The following ATP8B2 variants were observed in gnomAD, a reference collection of about 807,000 sequenced individuals.
ATP8B2 encodes the protein phospholipid-transporting ATPase ID.
ATP8B2 carries 70 observed loss-of-function variants against 133.4 expected under a neutral mutation model. That is an observed-to-expected ratio of 0.52 (90% CI 0.43 to 0.64). The LOEUF is 0.64. Ranked by LOEUF, ATP8B2 falls within the 30% of genes least tolerant of loss-of-function variation. ATP8B2 has a pLI of 0.00. For missense variants in ATP8B2, 1,101 were observed against 1,535.7 expected, an observed-to-expected ratio of 0.72 and a Z score of 4.73; for synonymous variants, 517 against 589.5, an observed-to-expected ratio of 0.88 and a Z score of 1.78.
intron 26 of ATP8B2, among the ~76,000 whole-genome samples, chr1:154,348,001 T>G (rs1570874164): frequency 8.2e-6 from 1 of 121,446 alleles, no homozygotes; most frequent in Non-Finnish European, 1.7e-5. Context: ...GAGAGAGAAA[T>G]GAATCAAGAT....
At position 154,328,946 on chromosome 1, in the gene ATP8B2, G is replaced by A. The variant is rs1178763373; in HGVS notation, c.31+774G>A. ...GCCCCGTCGATGCCACTAAGGCCAA[G>A]GACATATAGACGGTCTGCCCTCCCC... is the stretch of plus-strand genomic sequence containing the variant. On this transcript the variant is annotated intron_variant, in intron 2 of 27. Transcript: ENST00000368489. The surrounding 1 kb of genome is among the most constrained non-coding windows in gnomAD (Gnocchi z 4.6). 1 of 1,302,970 alleles carries A rather than the reference G, an allele frequency of 7.7e-7. No homozygotes were observed. The highest frequency in any genetic ancestry group is 1.0e-6 in the Non-Finnish European group (1 of 988,482). The allele number at this position is 1,302,970 out of a possible 1,614,324, so 80.7% of individuals were successfully genotyped here. A position where few individuals can be genotyped will look rare whatever the true frequency, so the allele number is the denominator to read the frequency against.
In ATP8B2 at chr1:154,345,802, C is replaced by T. The variant is rs781532937; in HGVS notation, c.2697C>T (p.Thr899=). The T allele has an allele frequency of 8.7e-6, 14 of 1,611,284 alleles. No individual in the cohort carries two copies. Among genetic ancestry groups the T allele is most frequent in the South Asian group, 2.2e-5 (2 of 91,010 alleles). Residue 899 remains threonine, a splice_region_variant and synonymous_variant, in exon 24 of 28, where the codon ACC becomes ACT. Transcript: ENST00000368489. The surrounding 1 kb of genome is among the most constrained non-coding windows in gnomAD (Gnocchi z 5.6). The stretch of plus-strand genomic sequence containing the variant: ...CCTTGCTCCCTGTTCTCTTCCAGAC[C>T]GTCTATGACCAGTATTTCATCACCC... ...FGFFCGFSAQ[T]VYDQYFITLY...
At chr1:154,326,176 T>C (rs551705655) in intron 1 of ATP8B2, among the ~76,000 whole-genome samples, 2 of 152,240 alleles carry the variant, frequency 1.3e-5, no homozygotes, top group African/African-American at 4.8e-5. Context: ...GCAGTAGCTC[T>C]GGGAGATGAT....
In ATP8B2 at chr1:154,331,798, C is replaced by A; in HGVS notation, c.438+120C>A. 2 of 1,315,584 alleles carry A rather than the reference C, an allele frequency of 1.5e-6. No individual in the cohort carries two copies. The highest frequency in any genetic ancestry group is 2.2e-6 in the Non-Finnish European group (2 of 913,390). 81.5% of individuals were successfully genotyped at this position (1,315,584 alleles called of 1,614,324 possible). On this transcript the variant is annotated intron_variant, in intron 7 of 27. Coordinates refer to ENST00000368489, the MANE Select transcript of ATP8B2 (RefSeq NM_001370597.1). This position sits in a 1 kb window ranked among gnomAD's most constrained non-coding sequence, Gnocchi z 4.8. ...ACCCGTGGCAGGAATCTTTCTCACACCAGGGGCTTCTGTGTCATGCTGATA... is the reference window on the plus strand; with the variant it reads ...ACCCGTGGCAGGAATCTTTCTCACAACAGGGGCTTCTGTGTCATGCTGATA...
rs957805421 is a variant in ATP8B2 at position 154,345,911 on chromosome 1, G to T, written c.2778+28G>T. On this transcript the variant is annotated intron_variant, in intron 24 of 27. Coordinates refer to ENST00000368489, the MANE Select transcript of ATP8B2 (RefSeq NM_001370597.1). The surrounding 1 kb of genome is among the most constrained non-coding windows in gnomAD (Gnocchi z 5.6). ...ATGGGGGAGTTTGATGATCAGATGG[G>T]ATGCGGGGAAGGTCACTGCTTGAAG... 1 of 1,568,914 alleles carries T rather than the reference G, an allele frequency of 6.4e-7. No homozygotes were observed. The highest frequency in any genetic ancestry group is 8.8e-7 in the Non-Finnish European group (1 of 1,139,136).
intron 11 of ATP8B2, among the ~76,000 whole-genome samples, chr1:154,335,657 C>G (rs914032575): frequency 2.0e-5 from 3 of 151,814 alleles, no homozygotes; most frequent in African/African-American, 7.3e-5. Flanking sequence ...TGCCACTGCA[C>G]TCCAGCCTGG....
intron 8 of ATP8B2, among the ~76,000 whole-genome samples, chr1:154,332,346 CAAGATGGTGAGACTTCATCTCTATA>C (rs1686022396): frequency 6.6e-6 from 1 of 152,028 alleles, no homozygotes; most frequent in South Asian, 2.1e-4. Context: ...CCAGCCTGGG[CAAGATGGTGAGACTTCATCTCTATA>C]AAACAAACAA....
Position 154,343,034 on chromosome 1 carries a change from G to C in ATP8B2, c.1453+73G>C, listed in dbSNP as rs541046618. ...GGGCTCTGCTCTGCTCTGCAATGCG[G>C]CTGGGCTGGGGCTTCCTGGGCGGGG... On this transcript the variant is annotated intron_variant, in intron 15 of 27. Coordinates refer to ENST00000368489, the MANE Select transcript of ATP8B2 (RefSeq NM_001370597.1). The surrounding 1 kb of genome is among the most constrained non-coding windows in gnomAD (Gnocchi z 5.8). The C allele has an allele frequency of 7.5e-6, 12 of 1,596,892 alleles. No homozygotes were observed. The African/African-American group carries it at 9.4e-5, about 12-fold the overall frequency.
At position 154,328,001 on chromosome 1, in the gene ATP8B2, G is replaced by T; in HGVS notation, c.-37-104G>T. On this transcript the variant is annotated intron_variant, in intron 1 of 27. Transcript: ENST00000368489. This position sits in a 1 kb window ranked among gnomAD's most constrained non-coding sequence, Gnocchi z 4.6. ...ACTGGGAGAAGGAGGCTGGGGGAGG[G>T]GCAGGGTCAGAGCTGGAGAAGAGGG... The T allele has an allele frequency of 1.3e-6, 2 of 1,507,000 alleles. No individual in the cohort carries two copies. Among genetic ancestry groups the T allele is most frequent in the South Asian group, 1.1e-5 (1 of 88,832 alleles). 93.4% of individuals were successfully genotyped at this position (1,507,000 alleles called of 1,614,324 possible). A position where few individuals can be genotyped will look rare whatever the true frequency, so the allele number is the denominator to read the frequency against.
intron 11 of ATP8B2, among the ~76,000 whole-genome samples, chr1:154,335,094 T>C (rs1369276735): frequency 6.6e-6 from 1 of 152,202 alleles, no homozygotes; most frequent in African/African-American, 2.4e-5. Context: ...CTCCCCTTCC[T>C]GTGCCCCGAC....
intron 26 of ATP8B2, among the ~76,000 whole-genome samples, chr1:154,347,649 G>T (rs964960382): frequency 1.3e-5 from 2 of 152,030 alleles, no homozygotes; most frequent in Non-Finnish European, 2.9e-5. Flanking sequence ...TTTTGAAAAT[G>T]GAAACAACAG....
chr1:154,332,174 T>C (rs1686016589), intron 8 of ATP8B2, 150 bp downstream of exon 8: 2 of 746,200 alleles, frequency 2.7e-6, no homozygotes, highest in African/African-American at 1.8e-5. Flanking sequence ...TGAAGTGTTA[T>C]TCAACCAGTA....
rs150253336 is a variant in ATP8B2 at position 154,332,772 on chromosome 1, A to G, written c.589+75A>G. On this transcript the variant is annotated intron_variant, in intron 9 of 27. Transcript: ENST00000368489. ...TTTGTTTGGGGGCGTTAAATTATAC[A>G]TTTTCCTTTGGGCTTTTTGTTGTTA... 23 of 1,184,916 alleles carry G rather than the reference A, an allele frequency of 1.9e-5. No individual in the cohort carries two copies. The East Asian group carries it at 5.6e-4, about 29-fold the overall frequency. The allele number at this position is 1,184,916 out of a possible 1,614,324, so 73.4% of individuals were successfully genotyped here.
Position 154,345,607 on chromosome 1 carries a change from CTTGT to C in ATP8B2, c.2694+65_2694+68del, listed in dbSNP as rs1393478999. ...GTAAACCTGAGGGCAGAGGTTCTGT[CTTGT>C]TTATCACTCAGTCCCCCAGGGCCTA... On this transcript the variant is annotated intron_variant, in intron 23 of 27. Coordinates refer to ENST00000368489, the MANE Select transcript of ATP8B2 (RefSeq NM_001370597.1). The surrounding 1 kb of genome is among the most constrained non-coding windows in gnomAD (Gnocchi z 5.6). 1.2e-5 allele frequency: 18 copies of C among 1,470,798 alleles called. No homozygotes were observed. Among genetic ancestry groups the C allele is most frequent in the Non-Finnish European group, 1.7e-5 (18 of 1,064,994 alleles). The allele number at this position is 1,470,798 out of a possible 1,614,324, so 91.1% of individuals were successfully genotyped here. A position where few individuals can be genotyped will look rare whatever the true frequency, so the allele number is the denominator to read the frequency against.
At chr1:154,348,330 A>T (rs1418838225) in intron 26 of ATP8B2, 78 bp from the exon 27 acceptor site, 1 of 1,485,764 alleles carries the variant, frequency 6.7e-7, no homozygotes, top group East Asian at 2.3e-5. Context: ...GAGAGTAGGG[A>T]AGTGGAGCTG....
At position 154,331,193 on chromosome 1, in the gene ATP8B2, C is replaced by T. The variant is rs751407664; in HGVS notation, c.303+47C>T. On this transcript the variant is annotated intron_variant, in intron 5 of 27. Transcript: ENST00000368489. The surrounding 1 kb of genome is among the most constrained non-coding windows in gnomAD (Gnocchi z 4.8). ...ATTTTGTCCCAGTCACCCACCCCTA[C>T]TCCCAGCCCCACCCCCATCTCATGG... 4 of 1,491,752 alleles carry T rather than the reference C, an allele frequency of 2.7e-6. No individual in the cohort carries two copies. Among genetic ancestry groups the T allele is most frequent in the South Asian group, 2.3e-5 (2 of 86,964 alleles). The allele number at this position is 1,491,752 out of a possible 1,614,324, so 92.4% of individuals were successfully genotyped here.
intron 26 of ATP8B2, among the ~76,000 whole-genome samples, chr1:154,347,938 CAAA>C (rs35998355): frequency 8.9e-5 from 9 of 101,350 alleles, no homozygotes; most frequent in Admixed American, 1.0e-4. Context: ...AACTCTGTCT[CAAA>C]AAAAAAAAAA....
chr1:154,329,135 T>G (rs1685896812), intron 2 of ATP8B2: 1 of 1,200,184 alleles, frequency 8.3e-7, no homozygotes, highest in African/African-American at 1.6e-5. Context: ...CTCCAATCCC[T>G]ACATTCACTT....
chr1:154,335,309 C>G (rs1337767218), intron 11 of ATP8B2, among the ~76,000 whole-genome samples: 1 of 152,208 alleles, frequency 6.6e-6, no homozygotes, highest in African/African-American at 2.4e-5. Flanking sequence ...GCGGAGGCAG[C>G]TTTGGAAATA....
Sources: gnomAD v4.1 joint callset for allele counts (sites outside exome capture counted in the v4.1 genomes callset) on GRCh38, gnomAD v4.1.1 for gene constraint, Gnocchi (gnomAD v3.1) non-coding constraint, MANE v1.5 for transcripts, NCBI Gene and HGNC (gene_info 2026-07-23, HGNC 2026-07-21) for gene names.